The following CUBN variants were observed in gnomAD, a reference collection of about 807,000 sequenced individuals.
The protein encoded by CUBN is 460 kDa receptor.
CUBN carries 282 observed loss-of-function variants against 405.3 expected under a neutral mutation model. That is an observed-to-expected ratio of 0.70 (90% CI 0.63 to 0.77). The LOEUF (loss-of-function observed/expected upper bound fraction) is 0.77, where lower values mean the gene tolerates loss of function less well. CUBN is among the 30% of genes least tolerant of loss of function. The pLI is 0.00. For missense variants in CUBN, 4,514 were observed against 4,475.2 expected, an observed-to-expected ratio of 1.01 and a Z score of -0.25; for synonymous variants, 1,684 against 1,617.0, an observed-to-expected ratio of 1.04 and a Z score of -0.99.
At chr10:16,959,581 T>C (rs1407129065) in intron 31 of CUBN, among the ~76,000 whole-genome samples, 1 of 150,850 alleles carries the variant, frequency 6.6e-6, no homozygotes, top group African/African-American at 2.4e-5. Flanking sequence ...TGAGCTGAGA[T>C]AGTGCCACTG....
chr10:16,843,985 A>T (rs1169545471), intron 60 of CUBN, among the ~76,000 whole-genome samples: 1 of 152,134 alleles, frequency 6.6e-6, no homozygotes, highest in Non-Finnish European at 1.5e-5. Flanking sequence ...GACCTTCCAG[A>T]CCTGCGGGGC....
rs1401271301 is a variant in CUBN at position 16,913,931 on chromosome 10, T to TGGGTTC, written c.7407_7412dup (p.Asn2472_Pro2473dup). ...ACTCGCAGATCCGGCCATGAGGATT[T>TGGGTTC]GGGTTCGGGTAGTTGGGAGAAGTAA... On this transcript the variant is annotated inframe_insertion, in exon 48 of 67. Coordinates refer to ENST00000377833, the MANE Select transcript of CUBN (RefSeq NM_001081.4). The TGGGTTC allele has an allele frequency of 1.2e-6, 2 of 1,613,958 alleles. No homozygotes were observed. The highest frequency in any genetic ancestry group is 2.7e-5 in the African/African-American group (2 of 74,884).
intron 55 of CUBN, 140 bp downstream of exon 55, chr10:16,890,231 T>A: frequency 1.3e-6 from 1 of 784,170 alleles, no homozygotes; most frequent in Non-Finnish European, 2.2e-6. Flanking sequence ...AAGAAAGGTG[T>A]CTTCTTGGGA....
rs1371614036 is a variant in CUBN at position 16,938,945 on chromosome 10, T to C, written c.5733+18A>G. The C allele has an allele frequency of 2.5e-6, 4 of 1,596,480 alleles. No individual in the cohort carries two copies. The highest frequency in any genetic ancestry group is 1.7e-4 in the Middle Eastern group (1 of 5,838). On this transcript the variant is annotated intron_variant, in intron 38 of 66. Coordinates refer to ENST00000377833, the MANE Select transcript of CUBN (RefSeq NM_001081.4). ...ATTCACCAATATTTATGAACATTGA[T>C]TGCATGTGGAAACTCACCCTTAATT...
chr10:17,008,718 C>G (rs1477840969), intron 28 of CUBN, among the ~76,000 whole-genome samples: 8 of 152,070 alleles, frequency 5.3e-5, no homozygotes, highest in Non-Finnish European at 1.0e-4. Context: ...GGGCCCAAGT[C>G]AGATGCCCTG....
At chr10:16,944,113 G>C (rs943196898) in intron 36 of CUBN, among the ~76,000 whole-genome samples, 1 of 152,114 alleles carries the variant, frequency 6.6e-6, no homozygotes, top group Non-Finnish European at 1.5e-5. Flanking sequence ...AAAGCACTCT[G>C]CAAGTATAAA....
Position 17,084,395 on chromosome 10 carries a change from C to T in CUBN, c.2177G>A (p.Gly726Glu), listed in dbSNP as rs767277942. The change falls in exon 17 of 67, where the codon GGG becomes GAG. Residue 726 changes from glycine to glutamate, a missense_variant. Transcript: ENST00000377833. ...EGELFLPELS[G>E]PFTHTRQCVY... ...GCATTGCCTGGTGTGAGTGAAAGGC[C>T]CAGACAACTCAGGCAAGAAGAGTTC... is the stretch of plus-strand genomic sequence containing the variant. 1.9e-5 allele frequency: 30 copies of T among 1,613,944 alleles called. No individual in the cohort carries two copies. In the African/African-American group the frequency reaches 3.7e-4, roughly 20 times the overall value.
intron 59 of CUBN, 149 bp from the exon 60 acceptor site, chr10:16,851,592 C>A: frequency 2.7e-6 from 2 of 753,748 alleles, no homozygotes; most frequent in Non-Finnish European, 4.6e-6. Context: ...CCCTCCTTTC[C>A]TCCCTCCCTC....
chr10:17,083,706 T>C (rs1250358695), intron 17 of CUBN, among the ~76,000 whole-genome samples: 3 of 152,054 alleles, frequency 2.0e-5, no homozygotes, highest in East Asian at 1.9e-4. Context: ...ACAAACAAAA[T>C]TGTAAATTCT....
At chr10:16,993,786 T>A (rs1001507879) in intron 28 of CUBN, among the ~76,000 whole-genome samples, 7 of 151,962 alleles carry the variant, frequency 4.6e-5, no homozygotes, top group African/African-American at 1.7e-4. Context: ...ATTACAGGTG[T>A]GAGCCACCAT....
At chr10:16,930,672 A>C (rs1264759257) in intron 40 of CUBN, among the ~76,000 whole-genome samples, 2 of 152,134 alleles carry the variant, frequency 1.3e-5, no homozygotes, top group African/African-American at 4.8e-5. Flanking sequence ...GAAGAAACTG[A>C]TTCATTTTGA....
chr10:16,842,264 G>A (rs575619545), intron 60 of CUBN, among the ~76,000 whole-genome samples: 24 of 152,072 alleles, frequency 1.6e-4, no homozygotes, highest in Middle Eastern at 3.4e-3. Flanking sequence ...GGCTAAACTT[G>A]CTTATTTCAT....
intron 22 of CUBN, among the ~76,000 whole-genome samples, chr10:17,051,851 A>G (rs73600107): frequency 0.052 from 7,966 of 152,144 alleles, 712 homozygotes; most frequent in African/African-American, 0.18. Flanking sequence ...GAACCAGAAG[A>G]AGAAGGTAAT....
rs555510393 is a variant in CUBN at position 17,052,393 on chromosome 10, C to G, written c.3140-4790G>C. On this transcript the variant is annotated intron_variant, in intron 22 of 66. Transcript: ENST00000377833. ...TGTATAAATATAAATGATAGGCTTT[C>G]TTTTCATTATCTCCTTAAAAGAGAA... 5.9e-5 allele frequency among the ~76,000 whole-genome samples: 9 copies of G among 152,182 alleles called. No homozygotes were observed. The South Asian group carries it at 1.9e-3, about 32-fold the overall frequency.
At chr10:16,868,560 T>C (rs922435319) in intron 59 of CUBN, among the ~76,000 whole-genome samples, 3 of 152,222 alleles carry the variant, frequency 2.0e-5, no homozygotes, top group Non-Finnish European at 4.4e-5. Flanking sequence ...CGAATATTAA[T>C]GATCTTAGAC....
chr10:16,916,901 G>A (rs1390458679), intron 45 of CUBN, among the ~76,000 whole-genome samples: 3 of 147,820 alleles, frequency 2.0e-5, no homozygotes, highest in Non-Finnish European at 3.0e-5. Flanking sequence ...TGCAACCTCC[G>A]CCTCCTGGGT....
rs181715809 is a variant in CUBN at position 16,853,069 on chromosome 10, G to A, written c.9455-1626C>T. 2.6e-5 allele frequency among the ~76,000 whole-genome samples: 4 copies of A among 152,156 alleles called. No individual in the cohort carries two copies. The East Asian group carries it at 5.8e-4, about 22-fold the overall frequency. On this transcript the variant is annotated intron_variant, in intron 59 of 66. Transcript: ENST00000377833. ...AAGAATAATCTCAAGATGATTAAAC[G>A]GTCTACCATAAAAGAATACAAAAAA... is the stretch of plus-strand genomic sequence containing the variant.
chr10:17,068,245 T>A lies in CUBN; in HGVS notation c.2827A>T (p.Ile943Phe), dbSNP rs768716452. 5.2e-5 allele frequency: 84 copies of A among 1,613,612 alleles called. No homozygotes were observed. Among genetic ancestry groups the A allele is most frequent in the Non-Finnish European group, 7.0e-5 (83 of 1,179,690 alleles). Residue 943 changes from isoleucine (I) to phenylalanine (F), a missense_variant, in exon 21 of 67, where the codon ATT (isoleucine) becomes TTT (phenylalanine). By Grantham distance (21) the Ile-to-Phe change is conservative (BLOSUM62 0). Coordinates refer to ENST00000377833, the MANE Select transcript of CUBN (RefSeq NM_001081.4). ...GEILTESTGT[I>F]QSPGHPNVYP... ...ACATTTGGATGGCCAGGACTTTGAA[T>A]GGTCCCTGTTGATTCTGTAAGAATT...
chr10:16,849,589 A>G (rs1010951726), intron 60 of CUBN, among the ~76,000 whole-genome samples: 1 of 152,170 alleles, frequency 6.6e-6, no homozygotes, highest in African/African-American at 2.4e-5. Context: ...GCATGTAACT[A>G]AGTGCTCAAA....
Sources: gnomAD v4.1 joint callset for allele counts (sites outside exome capture counted in the v4.1 genomes callset) on GRCh38, gnomAD v4.1.1 for gene constraint, MANE v1.5 for transcripts, NCBI Gene and HGNC (gene_info 2026-07-23, HGNC 2026-07-21) for gene names.